FAM83B: variants seen among roughly 807,000 people sequenced by gnomAD.
The protein encoded by FAM83B is scaffolding CK1 anchoring protein B, also known as protein FAM83B.
FAM83B carries 26 observed loss-of-function variants against 38.8 expected under a neutral mutation model. The observed-to-expected ratio is 0.67, with a 90% confidence interval of 0.49 to 0.93. The LOEUF (loss-of-function observed/expected upper bound fraction) is 0.93. FAM83B is among the 40% of genes least tolerant of loss of function. The pLI is 0.00. For synonymous variants in FAM83B, 419 were observed against 423.1 expected (o/e 0.99, Z 0.12); for missense variants, 1,237 against 1,197.3 (o/e 1.03, Z -0.49).
At chr6:54,909,699 G>A (rs966465044) in intron 2 of FAM83B, among the ~76,000 whole-genome samples, 1 of 152,234 alleles carries the variant, frequency 6.6e-6, no homozygotes, top group African/African-American at 2.4e-5. Flanking sequence ...CCCCAAGAAA[G>A]TAATAAGTAA....
chr6:54,906,392 TTTATTTTTTTGAGACAGAGTCTCACTCTG>T (rs1179436994), intron 2 of FAM83B, among the ~76,000 whole-genome samples: 1 of 152,156 alleles, frequency 6.6e-6, no homozygotes, highest in Non-Finnish European at 1.5e-5. Flanking sequence ...TGCTTATTTA[TTTATTTTTTTGAGACAGAGTCTCACTCTG>T]TTGCCCAGGC....
intron 2 of FAM83B, among the ~76,000 whole-genome samples, chr6:54,906,306 G>T (rs1310772151): frequency 6.6e-6 from 1 of 152,074 alleles, no homozygotes; most frequent in Non-Finnish European, 1.5e-5. Flanking sequence ...AATGAATTGA[G>T]TTGGTGTTTT....
intron 4 of FAM83B, among the ~76,000 whole-genome samples, chr6:54,937,321 G>T (rs1222490623): frequency 1.3e-5 from 2 of 151,818 alleles, no homozygotes; most frequent in African/African-American, 4.8e-5. Context: ...TCTAGGAAAG[G>T]AATTGGAGCT....
At chr6:54,852,289 C>T (rs1308857844) in intron 1 of FAM83B, among the ~76,000 whole-genome samples, 2 of 152,234 alleles carry the variant, frequency 1.3e-5, no homozygotes, top group Admixed American at 6.5e-5. Flanking sequence ...TTTCCAACAG[C>T]ACATGCTCAC....
intron 4 of FAM83B, among the ~76,000 whole-genome samples, chr6:54,930,264 TTTG>T (rs1483991726): frequency 1.5e-4 from 23 of 152,214 alleles, no homozygotes; most frequent in African/African-American, 5.3e-4. Context: ...ATTAATTGTG[TTTG>T]TTTTCTATTT....
intron 2 of FAM83B, among the ~76,000 whole-genome samples, chr6:54,885,516 A>G (rs1188443946): frequency 6.6e-6 from 1 of 152,012 alleles, no homozygotes; most frequent in East Asian, 1.9e-4. Context: ...TAGTTTTTAT[A>G]TAGATTATTT....
rs1561901693 is a variant in FAM83B, at chr6:54,850,848, GT to G, written c.-61+4023del. On this transcript the variant is annotated intron_variant, in intron 1 of 4. Transcript: ENST00000306858. The stretch of plus-strand genomic sequence containing the variant: ...AGCCTGGCCAAGGTGGTGAAACGCC[GT>G]CTCTACTAAAAATACAAAAATTGGC... Among the ~76,000 whole-genome samples, 5 of 151,978 alleles carry G rather than the reference GT, an allele frequency of 3.3e-5. No individual in the cohort carries two copies. In the East Asian group the frequency reaches 9.7e-4, roughly 30 times the overall value.
At chr6:54,875,448 T>C (rs1213468553) in intron 2 of FAM83B, among the ~76,000 whole-genome samples, 1 of 152,232 alleles carries the variant, frequency 6.6e-6, no homozygotes, top group African/African-American at 2.4e-5. Context: ...CCGTGAATTT[T>C]GTCATTCTTT....
At chr6:54,881,357 A>G (rs4143677) in intron 2 of FAM83B, among the ~76,000 whole-genome samples, 141,347 of 152,212 alleles carry the variant, frequency 0.93, 65,733 homozygotes, top group East Asian at 1. Context: ...TGTAATCATC[A>G]GTAAGAAAAA....
At chr6:54,884,351 G>A (rs2746442) in intron 2 of FAM83B, among the ~76,000 whole-genome samples, 10,493 of 147,674 alleles carry the variant, frequency 0.071, 473 homozygotes, top group African/African-American at 0.11. Context: ...GGTGTGTGGC[G>A]CATGCCTATG....
intron 2 of FAM83B, among the ~76,000 whole-genome samples, chr6:54,915,321 G>C (rs1225651133): frequency 1.3e-5 from 2 of 152,162 alleles, no homozygotes; most frequent in Middle Eastern, 6.8e-3. Flanking sequence ...ATGTAATTTA[G>C]GTCTCTACAC....
intron 2 of FAM83B, among the ~76,000 whole-genome samples, chr6:54,919,175 A>G (rs914048171): frequency 2.6e-5 from 4 of 151,744 alleles, no homozygotes; most frequent in Non-Finnish European, 5.9e-5. Context: ...TTTTAGGCCT[A>G]CTCCTCATTC....
At chr6:54,924,337 CA>C (rs1439622330) in intron 2 of FAM83B, among the ~76,000 whole-genome samples, 11 of 151,596 alleles carry the variant, frequency 7.3e-5, no homozygotes, top group Admixed American at 7.3e-4. Context: ...ATAAAAAGTA[CA>C]ACTTCTTTTG....
At chr6:54,917,054 T>A (rs1353050713) in intron 2 of FAM83B, among the ~76,000 whole-genome samples, 1 of 152,198 alleles carries the variant, frequency 6.6e-6, no homozygotes, top group Non-Finnish European at 1.5e-5. Flanking sequence ...TTCTTAGTCA[T>A]AAACAGTTAT....
At chr6:54,924,816 G>A (rs535679129) in intron 2 of FAM83B, among the ~76,000 whole-genome samples, 14 of 152,010 alleles carry the variant, frequency 9.2e-5, no homozygotes, top group South Asian at 2.1e-4. Flanking sequence ...CCTACACACC[G>A]TCACCTCTCA....
chr6:54,887,719 C>T (rs993680620), intron 2 of FAM83B, among the ~76,000 whole-genome samples: 2 of 126,118 alleles, frequency 1.6e-5, no homozygotes, highest in African/African-American at 3.3e-5. Flanking sequence ...AATTACATAA[C>T]TATTTAACTT....
chr6:54,864,388 A>G (rs1244525493), intron 1 of FAM83B, among the ~76,000 whole-genome samples: 1 of 152,186 alleles, frequency 6.6e-6, no homozygotes, highest in Non-Finnish European at 1.5e-5. Flanking sequence ...TATGAGTTTG[A>G]TAAGATGGGT....
At chr6:54,884,866 G>A (rs1772232214) in intron 2 of FAM83B, among the ~76,000 whole-genome samples, 2 of 151,188 alleles carry the variant, frequency 1.3e-5, no homozygotes, top group Admixed American at 1.3e-4. Context: ...TCCGCCTCCC[G>A]GGTTCACGCC....
chr6:54,898,650 A>C (rs1772590382), intron 2 of FAM83B, among the ~76,000 whole-genome samples: 1 of 152,180 alleles, frequency 6.6e-6, no homozygotes, highest in African/African-American at 2.4e-5. Flanking sequence ...ATTACCATCT[A>C]ACAACTCATT....
Sources: allele counts gnomAD v4.1 joint callset (sites outside exome capture counted in the v4.1 genomes callset), GRCh38; gene constraint gnomAD v4.1.1; transcripts MANE v1.5; gene names NCBI Gene and HGNC (gene_info 2026-07-23, HGNC 2026-07-21).